Variants in NUP93 observed in about 807,000 individuals in gnomAD.
The protein encoded by NUP93 is nuclear pore complex protein Nup93.
A neutral mutation model predicts 107.8 loss-of-function variants in NUP93; 55 were observed. The ratio of observed to expected loss-of-function variants is 0.51; its 90% CI spans 0.41 to 0.64. NUP93 has a LOEUF of 0.64. Among genes scored for constraint, NUP93 ranks in the 30% least tolerant of loss-of-function variants. NUP93 has a pLI of 0.00. For missense variants in NUP93, 937 were observed against 1,044.7 expected, an observed-to-expected ratio of 0.90 and a Z score of 1.42; for synonymous variants, 390 against 397.5, an observed-to-expected ratio of 0.98 and a Z score of 0.22.
At chr16:56,781,837 C>T (rs75678441) in intron 3 of NUP93, 1 of 984,758 alleles carries the variant, frequency 1.0e-6, no homozygotes, top group East Asian at 1.1e-4. Flanking sequence ...CTGTTACTCC[C>T]ATCAGTTTGT....
At chr16:56,839,397 C>G (rs917780680) in intron 19 of NUP93, 124 bp from the exon 20 acceptor site, 6 of 659,454 alleles carry the variant, frequency 9.1e-6, no homozygotes, top group Non-Finnish European at 1.5e-5. Flanking sequence ...TTTGTGTGTA[C>G]AAGGAGGAAT....
chr16:56,742,672 A>T (rs1446392859), intron 1 of NUP93, among the ~76,000 whole-genome samples: 1 of 152,226 alleles, frequency 6.6e-6, no homozygotes, highest in Non-Finnish European at 1.5e-5. Flanking sequence ...TGTTTGGCAG[A>T]TATGTCTAGG....
chr16:56,795,938 C>T (rs894735552), intron 3 of NUP93, among the ~76,000 whole-genome samples: 16 of 152,054 alleles, frequency 1.1e-4, no homozygotes, highest in Non-Finnish European at 2.1e-4. Context: ...TGAGCCACCG[C>T]GCTCGGCCAT....
At chr16:56,782,075 C>G in intron 3 of NUP93, 1 of 985,454 alleles carries the variant, frequency 1.0e-6, no homozygotes, top group Non-Finnish European at 1.2e-6. Context: ...CCACCCCCAT[C>G]CCTCAATTCA....
intron 1 of NUP93, among the ~76,000 whole-genome samples, chr16:56,737,790 A>C (rs1426545128): frequency 1.3e-5 from 2 of 152,214 alleles, no homozygotes; most frequent in Non-Finnish European, 2.9e-5. Flanking sequence ...TGTAAATGCA[A>C]TGGTTTTAAA....
chr16:56,817,071 T>C (rs1445310762), intron 5 of NUP93, among the ~76,000 whole-genome samples: 6 of 152,126 alleles, frequency 3.9e-5, no homozygotes, highest in Non-Finnish European at 8.8e-5. Context: ...GGAGTGATCA[T>C]TGTGCCAGCC....
At chr16:56,749,492 C>T (rs1384678480) in intron 2 of NUP93, among the ~76,000 whole-genome samples, 1 of 152,128 alleles carries the variant, frequency 6.6e-6, no homozygotes, top group Non-Finnish European at 1.5e-5. Context: ...CTACTTGTGC[C>T]TTTGATGGGT....
At chr16:56,735,701 G>C (rs570368216) in intron 1 of NUP93, among the ~76,000 whole-genome samples, 1 of 152,092 alleles carries the variant, frequency 6.6e-6, no homozygotes, top group African/African-American at 2.4e-5. Flanking sequence ...GGTGGTGCGT[G>C]CCTGTTATCC....
intron 3 of NUP93, among the ~76,000 whole-genome samples, chr16:56,761,628 C>T (rs769721731): frequency 1.8e-4 from 27 of 151,878 alleles, no homozygotes; most frequent in Admixed American, 2.6e-4. Context: ...ATTATTATGT[C>T]AGTTTATAAG....
chr16:56,784,756 T>C (rs1448326802), intron 3 of NUP93, among the ~76,000 whole-genome samples: 1 of 152,220 alleles, frequency 6.6e-6, no homozygotes, highest in Non-Finnish European at 1.5e-5. Context: ...TTCACAGAAC[T>C]GGGTATCTGA....
intron 3 of NUP93, among the ~76,000 whole-genome samples, chr16:56,791,393 A>C (rs1195280154): frequency 6.6e-6 from 1 of 152,238 alleles, no homozygotes; most frequent in African/African-American, 2.4e-5. Flanking sequence ...GAAAGAACCA[A>C]TGTGAGCACT....
At position 56,808,650 on chromosome 16, in the gene NUP93, A is replaced by AAAAATACATATATTTATAAATATAT. The variant is rs1423525566; in HGVS notation, c.489+3048_489+3072dup. ...TATAAATACATTTATATAAATATAT[A>AAAAATACATATATTTATAAATATAT]AAAATACATATATTTATAAATATAT... On this transcript the variant is annotated intron_variant, in intron 5 of 21. Transcript: ENST00000308159. Among the ~76,000 whole-genome samples, 3 of 136,004 alleles carry AAAAATACATATATTTATAAATATAT rather than the reference A, an allele frequency of 2.2e-5. No homozygotes were observed. The Admixed American group carries it at 2.3e-4, about 10-fold the overall frequency. The allele number at this position is 136,004 out of a possible 152,430, so 89.2% of individuals were successfully genotyped here. A position where few individuals can be genotyped will look rare whatever the true frequency, so the allele number is the denominator to read the frequency against.
At chr16:56,835,885 T>C (rs1319457427) in intron 16 of NUP93, among the ~76,000 whole-genome samples, 1 of 151,910 alleles carries the variant, frequency 6.6e-6, no homozygotes, top group African/African-American at 2.4e-5. Context: ...TCCCAGCACT[T>C]TGGGAGGCCG....
rs1963241384 is a variant in NUP93 at position 56,808,728 on chromosome 16, T to C, written c.489+3096T>C. ...AAATACATATATAAATATATATAAATACATATATAAAATACATATATAAAT... is the reference window on the plus strand; with the variant it reads ...AAATACATATATAAATATATATAAACACATATATAAAATACATATATAAAT... On this transcript the variant is annotated intron_variant, in intron 5 of 21. Transcript: ENST00000308159. Among the ~76,000 whole-genome samples, 5 of 29,620 alleles carry C rather than the reference T, an allele frequency of 1.7e-4. No homozygotes were observed. The Admixed American group carries it at 2.5e-3, about 15-fold the overall frequency. The allele number at this position is 29,620 out of a possible 152,430, so 19.4% of individuals were successfully genotyped here.
chr16:56,806,927 C>T (rs569704894), intron 5 of NUP93, among the ~76,000 whole-genome samples: 4 of 152,168 alleles, frequency 2.6e-5, no homozygotes, highest in East Asian at 1.9e-4. Context: ...TGCTGTTGCA[C>T]GCTGCTACAG....
rs1460772201 is a variant in NUP93 at position 56,739,934 on chromosome 16, G to C, written c.-14-8300G>C. Among the ~76,000 whole-genome samples, 234 of 118,306 alleles carry C rather than the reference G, an allele frequency of 2.0e-3. 4 individuals carry two copies. Among genetic ancestry groups the C allele is most frequent in the Non-Finnish European group, 1.2e-3 (69 of 55,458 alleles). The allele number at this position is 118,306 out of a possible 152,430, so 77.6% of individuals were successfully genotyped here. A position where few individuals can be genotyped will look rare whatever the true frequency, so the allele number is the denominator to read the frequency against. On this transcript the variant is annotated intron_variant, in intron 1 of 21. Transcript: ENST00000308159. ...ACCTCCCTCCCGGACGGGGCGGCTG[G>C]CCGGGCGGGGGGCCGACCCCCCCCA...
chr16:56,831,960 A>C lies in NUP93; in HGVS notation c.1204A>C (p.Asn402His). 6.2e-7 allele frequency: 1 copy of C among 1,614,134 alleles called. No individual in the cohort carries two copies. ...CATTGGCAGATGTGACGTCACCGACAACCAGAGTGAAGTGGCGGACAAAAC... is the reference window on the plus strand; with the variant it reads ...CATTGGCAGATGTGACGTCACCGACCACCAGAGTGAAGTGGCGGACAAAAC... Reference protein sequence around the residue: ...CIIGRCDVTDNQSEVADKTED... With the variant: ...CIIGRCDVTDHQSEVADKTED... Residue 402 changes from asparagine to histidine, a missense_variant, in exon 11 of 22, where the codon AAC becomes CAC. Transcript: ENST00000308159.
At chr16:56,830,837 G>C in intron 10 of NUP93, 152 bp downstream of exon 10, 1 of 635,006 alleles carries the variant, frequency 1.6e-6, no homozygotes, top group Non-Finnish European at 2.5e-6. Context: ...AACTCTCTTG[G>C]GAATAAGGAG....
At chr16:56,788,795 G>A (rs951617129) in intron 3 of NUP93, among the ~76,000 whole-genome samples, 1 of 152,148 alleles carries the variant, frequency 6.6e-6, no homozygotes, top group African/African-American at 2.4e-5. Flanking sequence ...TATCAGAAGA[G>A]CCATCTAGTA....
Sources: allele counts gnomAD v4.1 joint callset (sites outside exome capture counted in the v4.1 genomes callset), GRCh38; gene constraint gnomAD v4.1.1; transcripts MANE v1.5; gene names NCBI Gene and HGNC (gene_info 2026-07-23, HGNC 2026-07-21).